HCN1: variants seen among roughly 807,000 people sequenced by gnomAD.
The protein encoded by HCN1 is potassium/sodium hyperpolarization-activated cyclic nucleotide-gated channel 1.
HCN1 carries 13 observed loss-of-function variants against 78.9 expected under a neutral mutation model. The ratio of observed to expected loss-of-function variants is 0.16; its 90% CI spans 0.11 to 0.26. The LOEUF (loss-of-function observed/expected upper bound fraction) is 0.26. HCN1 is among the 10% of genes least tolerant of loss of function. The pLI, the probability that HCN1 is intolerant of heterozygous loss-of-function variation, is 1.00. For missense variants in HCN1, 810 were observed against 1,154.3 expected (o/e 0.70, Z 4.32); for synonymous variants, 552 against 455.5 (o/e 1.21, Z -2.70).
intron 2 of HCN1, among the ~76,000 whole-genome samples, chr5:45,503,664 C>T (rs985206359): frequency 6.6e-6 from 1 of 151,830 alleles, no homozygotes; most frequent in African/African-American, 2.4e-5. Flanking sequence ...AAATTATATT[C>T]TATTTGTGAT....
intron 3 of HCN1, among the ~76,000 whole-genome samples, chr5:45,420,252 C>G (rs1387230599): frequency 6.6e-6 from 1 of 152,184 alleles, no homozygotes; most frequent in Non-Finnish European, 1.5e-5. Context: ...CTGTGGCACA[C>G]TACTGATTGC....
At chr5:45,660,001 G>C (rs1329535650) in intron 1 of HCN1, among the ~76,000 whole-genome samples, 1 of 141,472 alleles carries the variant, frequency 7.1e-6, no homozygotes, top group African/African-American at 2.8e-5. Context: ...ACACATAATT[G>C]TCAGATTCAC....
intron 5 of HCN1, among the ~76,000 whole-genome samples, chr5:45,313,216 G>A (rs1461460498): frequency 6.6e-6 from 1 of 152,118 alleles, no homozygotes; most frequent in African/African-American, 2.4e-5. Flanking sequence ...ACCAATATTC[G>A]ATGTTCTGCA....
intron 1 of HCN1, among the ~76,000 whole-genome samples, chr5:45,659,093 G>C (rs1478224306): frequency 6.6e-6 from 1 of 152,096 alleles, no homozygotes; most frequent in Admixed American, 6.5e-5. Context: ...CTCCCAGCAC[G>C]CAGCTAGAGA....
intron 2 of HCN1, chr5:45,479,987 G>T (rs1473203836): frequency 6.6e-6 from 1 of 152,606 alleles, no homozygotes; most frequent in Non-Finnish European, 1.5e-5. Context: ...AACTTCTAAT[G>T]ACTTACCATT....
intron 5 of HCN1, among the ~76,000 whole-genome samples, chr5:45,346,035 G>A (rs1034595016): frequency 2.0e-5 from 3 of 152,320 alleles, no homozygotes; most frequent in Non-Finnish European, 4.4e-5. Flanking sequence ...AAGCAAACAC[G>A]TCCTTCTTTG....
chr5:45,424,217 C>T (rs113495455), intron 3 of HCN1, among the ~76,000 whole-genome samples: 144 of 151,920 alleles, frequency 9.5e-4, no homozygotes, highest in Non-Finnish European at 1.8e-3. Flanking sequence ...GGCGTGAACC[C>T]GGGAGTTGGA....
chr5:45,334,127 A>G (rs1746403457), intron 5 of HCN1, among the ~76,000 whole-genome samples: 1 of 151,948 alleles, frequency 6.6e-6, no homozygotes. Context: ...TTATTATAAC[A>G]ATAAAAACAA....
intron 2 of HCN1, among the ~76,000 whole-genome samples, chr5:45,554,622 C>A (rs966378237): frequency 4.0e-5 from 6 of 151,624 alleles, no homozygotes; most frequent in Non-Finnish European, 1.5e-5. Context: ...TAGCTAGGCC[C>A]CCTACAGCCT....
At chr5:45,282,678 T>C (rs879897163) in intron 6 of HCN1, among the ~76,000 whole-genome samples, 4 of 152,188 alleles carry the variant, frequency 2.6e-5, no homozygotes, top group Non-Finnish European at 4.4e-5. Flanking sequence ...TCCATTTCAA[T>C]TCAGCAAGCA....
intron 2 of HCN1, among the ~76,000 whole-genome samples, chr5:45,493,828 C>A (rs1362402759): frequency 2.0e-5 from 3 of 148,910 alleles, no homozygotes; most frequent in African/African-American, 7.5e-5. Flanking sequence ...TCAATTCCCA[C>A]CTATGAGTGA....
intron 3 of HCN1, among the ~76,000 whole-genome samples, chr5:45,413,562 C>T (rs948175672): frequency 1.3e-5 from 2 of 151,942 alleles, no homozygotes; most frequent in Non-Finnish European, 2.9e-5. Context: ...TTAGCTACAC[C>T]ATGCAGGAGC....
intron 2 of HCN1, chr5:45,641,678 G>C (rs567908349): frequency 6.6e-6 from 1 of 152,204 alleles, no homozygotes; most frequent in African/African-American, 2.4e-5. Context: ...GTCCTACAAA[G>C]AGATAATCAT....
intron 3 of HCN1, among the ~76,000 whole-genome samples, chr5:45,438,832 G>A (rs1233276478): frequency 6.6e-6 from 1 of 152,132 alleles, no homozygotes; most frequent in East Asian, 1.9e-4. Context: ...TTAAAGTAAA[G>A]GAACAAGTAG....
chr5:45,581,146 T>C (rs1002973394), intron 2 of HCN1, among the ~76,000 whole-genome samples: 2 of 152,222 alleles, frequency 1.3e-5, no homozygotes. Context: ...TAGTTTACAG[T>C]CCCACCAACA....
intron 2 of HCN1, chr5:45,644,245 C>T (rs936633665): frequency 6.6e-6 from 1 of 152,164 alleles, no homozygotes; most frequent in Non-Finnish European, 1.5e-5. Context: ...CTTTATATGA[C>T]TTTCATTAGT....
At chr5:45,351,015 G>GA (rs1179613935) in intron 5 of HCN1, among the ~76,000 whole-genome samples, 2 of 151,966 alleles carry the variant, frequency 1.3e-5, no homozygotes, top group Admixed American at 6.6e-5. Flanking sequence ...CACAGAATTG[G>GA]AAAAAACTAC....
intron 2 of HCN1, among the ~76,000 whole-genome samples, chr5:45,584,597 C>G (rs932150022): frequency 1.3e-5 from 2 of 152,052 alleles, no homozygotes; most frequent in Admixed American, 6.6e-5. Context: ...TATTTTGCTC[C>G]TTAGTTGATG....
At chr5:45,608,632 T>C (rs1321550575) in intron 2 of HCN1, among the ~76,000 whole-genome samples, 3 of 151,948 alleles carry the variant, frequency 2.0e-5, no homozygotes, top group Non-Finnish European at 2.9e-5. Context: ...ACACAGTATA[T>C]GAAAATCAAT....
Sources: gnomAD v4.1 joint callset for allele counts (sites outside exome capture counted in the v4.1 genomes callset) on GRCh38, gnomAD v4.1.1 for gene constraint, MANE v1.5 for transcripts, NCBI Gene and HGNC (gene_info 2026-07-23, HGNC 2026-07-21) for gene names.